Variants in CLSTN2 observed in about 807,000 individuals in gnomAD.
CLSTN2 encodes the protein calsyntenin 2.
Under a neutral mutation model 101.2 loss-of-function variants are expected in CLSTN2, and 48 were observed. The ratio of observed to expected loss-of-function variants is 0.47; its 90% CI spans 0.38 to 0.60. The LOEUF is 0.60. CLSTN2 is among the 20% of genes least tolerant of loss of function. The pLI is 0.00. For synonymous variants in CLSTN2, 481 were observed against 463.6 expected, an observed-to-expected ratio of 1.04 and a Z score of -0.48; for missense variants, 1,160 against 1,238.2, an observed-to-expected ratio of 0.94 and a Z score of 0.95.
At chr3:139,991,565 T>G (rs1400673845) in intron 1 of CLSTN2, among the ~76,000 whole-genome samples, 2 of 152,242 alleles carry the variant, frequency 1.3e-5, no homozygotes, top group Non-Finnish European at 2.9e-5. Context: ...ATTGCACTTT[T>G]AAAGGCCAGA....
intron 2 of CLSTN2, among the ~76,000 whole-genome samples, chr3:140,299,158 C>T (rs2087030415): frequency 6.6e-6 from 1 of 152,180 alleles, no homozygotes; most frequent in Non-Finnish European, 1.5e-5. Flanking sequence ...CTCCAGGACA[C>T]AACTTTCAAT....
intron 1 of CLSTN2, among the ~76,000 whole-genome samples, chr3:140,085,243 A>G (rs1322483032): frequency 6.6e-6 from 1 of 152,222 alleles, no homozygotes. Context: ...GCATTGCTGC[A>G]CTGAAAGAAA....
At chr3:140,354,053 C>T (rs1228550331) in intron 2 of CLSTN2, among the ~76,000 whole-genome samples, 1 of 152,178 alleles carries the variant, frequency 6.6e-6, no homozygotes, top group Non-Finnish European at 1.5e-5. Context: ...CAAGAATATG[C>T]TGGCTTGTTC....
At chr3:140,529,224 T>C (rs1218585854) in intron 8 of CLSTN2, among the ~76,000 whole-genome samples, 2 of 152,202 alleles carry the variant, frequency 1.3e-5, no homozygotes, top group African/African-American at 4.8e-5. Context: ...CCTGCTACCC[T>C]TCCTGAACGT....
intron 2 of CLSTN2, among the ~76,000 whole-genome samples, chr3:140,269,031 G>A (rs369195981): frequency 5.7e-4 from 87 of 152,150 alleles, no homozygotes; most frequent in African/African-American, 7.0e-4. Flanking sequence ...ATCTCCTAGT[G>A]AGTTAACATT....
chr3:140,070,314 A>G (rs769798854), intron 1 of CLSTN2, among the ~76,000 whole-genome samples: 12 of 152,234 alleles, frequency 7.9e-5, no homozygotes, highest in Non-Finnish European at 1.8e-4. Flanking sequence ...ATACAATTTC[A>G]GGAGGTATAT....
intron 1 of CLSTN2, among the ~76,000 whole-genome samples, chr3:140,021,883 C>G (rs1464789829): frequency 3.3e-5 from 5 of 152,128 alleles, no homozygotes; most frequent in Admixed American, 6.5e-5. Flanking sequence ...AAGATGATGC[C>G]ATCCAACACA....
chr3:140,177,542 C>A (rs142630791), intron 2 of CLSTN2, among the ~76,000 whole-genome samples: 10,353 of 152,106 alleles, frequency 0.068, 1,119 homozygotes, highest in African/African-American at 0.23. Flanking sequence ...GCAACCCCAG[C>A]ACTTTGGGAG....
intron 8 of CLSTN2, among the ~76,000 whole-genome samples, chr3:140,529,731 C>T (rs114736851): frequency 0.01 from 1,568 of 152,280 alleles, 25 homozygotes; most frequent in African/African-American, 0.036. Flanking sequence ...TGTTTAGACG[C>T]CCAATTAGGA....
intron 1 of CLSTN2, among the ~76,000 whole-genome samples, chr3:140,125,889 A>G (rs564709134): frequency 6.6e-6 from 1 of 152,300 alleles, no homozygotes. Flanking sequence ...AAGCTGAAAA[A>G]GGAAGAAATG....
At chr3:140,447,423 G>A (rs567231044) in intron 5 of CLSTN2, among the ~76,000 whole-genome samples, 2 of 152,298 alleles carry the variant, frequency 1.3e-5, no homozygotes, top group South Asian at 2.1e-4. Flanking sequence ...CCTTGAGTCC[G>A]CTCTGACTTT....
rs577716562 is a variant in CLSTN2 at position 140,233,308 on chromosome 3, A to C, written c.232+57235A>C. Reference sequence around the variant, plus strand: ...GCATTCGCCAAGTCCTCAGGTCTCAACAGAGGCTGACCTTCTTTCTGTAAG... The same window carrying C: ...GCATTCGCCAAGTCCTCAGGTCTCACCAGAGGCTGACCTTCTTTCTGTAAG... On this transcript the variant is annotated intron_variant, in intron 2 of 16. Coordinates refer to ENST00000458420, the MANE Select transcript of CLSTN2 (RefSeq NM_022131.3). 8.5e-5 allele frequency among the ~76,000 whole-genome samples: 13 copies of C among 152,168 alleles called. No individual in the cohort carries two copies. The South Asian group carries it at 2.5e-3, about 29-fold the overall frequency.
intron 1 of CLSTN2, among the ~76,000 whole-genome samples, chr3:140,001,474 T>C (rs372787396): frequency 1.3e-5 from 2 of 152,076 alleles, no homozygotes; most frequent in South Asian, 4.1e-4. Flanking sequence ...TCTTCAACTT[T>C]TTAAAAAACT....
chr3:139,941,064 A>G (rs1455894682), intron 1 of CLSTN2, among the ~76,000 whole-genome samples: 6 of 152,206 alleles, frequency 3.9e-5, no homozygotes, highest in South Asian at 2.1e-4. Flanking sequence ...GTGATAATAC[A>G]TGTTTATATG....
At chr3:139,950,242 TGG>T (rs962135676) in intron 1 of CLSTN2, among the ~76,000 whole-genome samples, 6 of 152,190 alleles carry the variant, frequency 3.9e-5, no homozygotes, top group African/African-American at 1.4e-4. Context: ...GCACTCTACA[TGG>T]GGAAATACCA....
At chr3:140,466,877 A>G (rs1176081386) in intron 8 of CLSTN2, 146 bp downstream of exon 8, 19 of 1,057,354 alleles carry the variant, frequency 1.8e-5, no homozygotes, top group Non-Finnish European at 2.6e-5. Flanking sequence ...GACACACAGC[A>G]TCTTAAAGTC....
intron 2 of CLSTN2, among the ~76,000 whole-genome samples, chr3:140,265,203 C>T (rs1307781243): frequency 6.6e-6 from 1 of 152,054 alleles, no homozygotes; most frequent in Non-Finnish European, 1.5e-5. Context: ...TACTCAGGCC[C>T]TCAACCATGC....
chr3:139,941,211 C>T (rs1335875945), intron 1 of CLSTN2, among the ~76,000 whole-genome samples: 1 of 151,974 alleles, frequency 6.6e-6, no homozygotes, highest in African/African-American at 2.4e-5. Context: ...GAGGGTAGAC[C>T]ATGGGGAGGC....
At chr3:140,077,813 C>T (rs765655899) in intron 1 of CLSTN2, among the ~76,000 whole-genome samples, 3 of 152,146 alleles carry the variant, frequency 2.0e-5, no homozygotes, top group Non-Finnish European at 4.4e-5. Context: ...CTCACTTTGC[C>T]GTAGCTGCTT....
Sources: gnomAD v4.1 joint callset for allele counts (sites outside exome capture counted in the v4.1 genomes callset) on GRCh38, gnomAD v4.1.1 for gene constraint, MANE v1.5 for transcripts, NCBI Gene and HGNC (gene_info 2026-07-23, HGNC 2026-07-21) for gene names.